GNAI2: variants seen among roughly 807,000 people sequenced by gnomAD.
The protein encoded by GNAI2 is G protein subunit alpha i2, also known as guanine nucleotide-binding protein G(i) subunit alpha-2.
GNAI2 carries 4 observed loss-of-function variants against 36.8 expected under a neutral mutation model. The ratio of observed to expected loss-of-function variants is 0.11; its 90% confidence interval spans 0.05 to 0.25. The LOEUF (loss-of-function observed/expected upper bound fraction) is 0.25, where lower values mean the gene tolerates loss of function less well. Ranked by LOEUF, GNAI2 falls within the 10% of genes least tolerant of loss-of-function variation. The pLI is 1.00. For synonymous variants in GNAI2, 194 were observed against 194.1 expected (o/e 1.00, Z 0.01); for missense variants, 230 against 481.3 (o/e 0.48, Z 4.89).
upstream of GNAI2, among the ~76,000 whole-genome samples, chr3:50,228,550 CAAAAAAAAAAA>C (rs587623155): frequency 1.1e-5 from 1 of 94,810 alleles, no homozygotes; most frequent in African/African-American, 3.4e-5. Context: ...ACTCCGTCTC[CAAAAAAAAAAA>C]AAAAAAAAAT....
intron 1 of GNAI2, among the ~76,000 whole-genome samples, chr3:50,243,926 G>A (rs1700355422): frequency 6.6e-6 from 1 of 152,066 alleles, no homozygotes; most frequent in Non-Finnish European, 1.5e-5. Context: ...TCTTCTTTTA[G>A]GAGGCGGAAA....
intron 8 of GNAI2, 178 bp downstream of exon 8, chr3:50,257,892 G>A (rs1553703539): frequency 9.4e-6 from 5 of 529,396 alleles, no homozygotes; most frequent in East Asian, 3.0e-5. Flanking sequence ...TGAGTGAGGT[G>A]CAGGGCATGG....
chr3:50,251,615 C>T, intron 1 of GNAI2: 1 of 1,281,062 alleles, frequency 7.8e-7, no homozygotes, highest in Non-Finnish European at 1.0e-6. Flanking sequence ...TGTGCTCCTG[C>T]TTAGGCCCCT....
At chr3:50,236,024 C>A (rs1050373444), upstream of GNAI2, 6 of 244,368 alleles carry the variant, frequency 2.5e-5, no homozygotes, top group African/African-American at 6.9e-5. The surrounding 1 kb of genome is among the most constrained non-coding windows in gnomAD (Gnocchi z 4.0). Flanking sequence ...AGCCCAGGCC[C>A]GAGCCTGGGC....
At chr3:50,228,415 G>A (rs747984276), upstream of GNAI2, among the ~76,000 whole-genome samples, 31 of 152,048 alleles carry the variant, frequency 2.0e-4, no homozygotes, top group Non-Finnish European at 3.7e-4. Flanking sequence ...TTAGCTGGGC[G>A]TGGGGGCGCG....
chr3:50,240,773 G>T (rs1009516824), intron 1 of GNAI2, among the ~76,000 whole-genome samples: 1 of 152,066 alleles, frequency 6.6e-6, no homozygotes, highest in Admixed American at 6.5e-5. Context: ...AAAAAAATTA[G>T]CCAGGTATGG....
In GNAI2 at chr3:50,244,025, C is replaced by CT. The variant is rs782681282; in HGVS notation, c.118+7593dup. On this transcript the variant is annotated intron_variant, in intron 1 of 8. Coordinates refer to ENST00000313601, the MANE Select transcript of GNAI2 (RefSeq NM_002070.4). ...TGGTCATGGGGGACCCCCTCCACTC[C>CT]TTTTTTTTTTTTTTTTTTTTTGAGA... Among the ~76,000 whole-genome samples, 766 of 120,368 alleles carry CT rather than the reference C, an allele frequency of 6.4e-3. 2 individuals are homozygous for CT. Among genetic ancestry groups the CT allele is most frequent in the Non-Finnish European group, 8.2e-3 (495 of 60,006 alleles). 79.0% of individuals were successfully genotyped at this position (120,368 alleles called of 152,430 possible).
intron 1 of GNAI2, chr3:50,251,518 C>G: frequency 8.9e-7 from 1 of 1,126,120 alleles, no homozygotes; most frequent in Non-Finnish European, 1.1e-6. Context: ...TTCTAGCCTT[C>G]TAGCCTCCAT....
rs1553703003 is a variant in GNAI2, at chr3:50,255,240, A to T, written c.465-952A>T. On this transcript the variant is annotated intron_variant, in intron 4 of 8. Coordinates refer to ENST00000313601, the MANE Select transcript of GNAI2 (RefSeq NM_002070.4). This position sits in a 1 kb window ranked among gnomAD's most constrained non-coding sequence, Gnocchi z 4.0. ...CTGGGCAGCAGCCTGGAGGCCTGGGACCAGCCTCCAGGGCATGGCAGGGAT... is the reference window on the plus strand; with the variant it reads ...CTGGGCAGCAGCCTGGAGGCCTGGGTCCAGCCTCCAGGGCATGGCAGGGAT... Among the ~76,000 whole-genome samples the T allele has an allele frequency of 6.6e-6, 1 of 152,138 alleles. No homozygotes were observed. The highest frequency in any genetic ancestry group is 1.5e-5 in the Non-Finnish European group (1 of 67,998).
Position 50,236,290 on chromosome 3 carries a change from T to TGTGG in GNAI2, c.-45_-44insTGGG. ...GGTCGGGCGGGGCCGAGCCGGGCCG[T>TGTGG]GGGCCGTGTGGGGGCCGGGCGGCGG... On this transcript the variant is annotated 5_prime_UTR_variant, in exon 1 of 9. Transcript: ENST00000313601. The surrounding 1 kb of genome is among the most constrained non-coding windows in gnomAD (Gnocchi z 4.0). The TGTGG allele has an allele frequency of 7.7e-7, 1 of 1,302,396 alleles. No individual in the cohort carries two copies. 80.7% of individuals were successfully genotyped at this position (1,302,396 alleles called of 1,614,324 possible).
In GNAI2 at chr3:50,253,244, G is replaced by T. The variant is rs1700609895; in HGVS notation, c.464+60G>T. 5.7e-6 allele frequency: 8 copies of T among 1,394,986 alleles called. No homozygotes were observed. Among genetic ancestry groups the T allele is most frequent in the South Asian group, 1.3e-5 (1 of 76,488 alleles). 86.4% of individuals were successfully genotyped at this position (1,394,986 alleles called of 1,614,324 possible). On this transcript the variant is annotated intron_variant, in intron 4 of 8. Coordinates refer to ENST00000313601, the MANE Select transcript of GNAI2 (RefSeq NM_002070.4). This position sits in a 1 kb window ranked among gnomAD's most constrained non-coding sequence, Gnocchi z 4.2. ...GGGGCTGGGGGAGGACTAAAGGCTG[G>T]ACCGGAGGGCCTGAGAACCCCCAGA...
At chr3:50,233,976 A>G (rs1480290427), upstream of GNAI2, among the ~76,000 whole-genome samples, 3 of 149,332 alleles carry the variant, frequency 2.0e-5, no homozygotes, top group South Asian at 2.1e-4. Flanking sequence ...GCTCACTGCA[A>G]TCTCCAGTTC....
In GNAI2 at chr3:50,252,969, T is replaced by TGGCAG; in HGVS notation, c.304-54_304-50dup. 6.8e-7 allele frequency: 1 copy of TGGCAG among 1,473,496 alleles called. No homozygotes were observed. The highest frequency in any genetic ancestry group is 9.3e-7 in the Non-Finnish European group (1 of 1,080,684). The allele number at this position is 1,473,496 out of a possible 1,614,324, so 91.3% of individuals were successfully genotyped here. Reference sequence around the variant, plus strand: ...CCCATTCCAGAGGTCTCCCTGCCTCTGGCAGAGTGGGGGTACATTCCTTCA... The same window carrying TGGCAG: ...CCCATTCCAGAGGTCTCCCTGCCTCTGGCAGGGCAGAGTGGGGGTACATTCCTTCA... On this transcript the variant is annotated intron_variant, in intron 3 of 8. Coordinates refer to ENST00000313601, the MANE Select transcript of GNAI2 (RefSeq NM_002070.4). This position sits in a 1 kb window ranked among gnomAD's most constrained non-coding sequence, Gnocchi z 4.1.
At chr3:50,236,199 C>T (rs1013726883), upstream of GNAI2, 19 of 1,179,274 alleles carry the variant, frequency 1.6e-5, no homozygotes, top group Admixed American at 4.6e-5. The surrounding 1 kb of genome is among the most constrained non-coding windows in gnomAD (Gnocchi z 4.0). Context: ...GAAGGCGCCT[C>T]CCGCAGTCGC....
At chr3:50,256,911 C>G (rs781925628) in intron 6 of GNAI2, 26 bp from the exon 7 acceptor site, 1 of 1,613,706 alleles carries the variant, frequency 6.2e-7, no homozygotes, top group South Asian at 1.1e-5. Context: ...TGGTGGCTAG[C>G]GTTGACCTTG....
chr3:50,244,673 AG>A (rs1372312814), intron 1 of GNAI2, among the ~76,000 whole-genome samples: 4 of 152,166 alleles, frequency 2.6e-5, no homozygotes, highest in Non-Finnish European at 5.9e-5. Flanking sequence ...ATAGTTGTTG[AG>A]GCTGGTTCCT....
chr3:50,252,379 C>G lies in GNAI2; in HGVS notation c.162-18C>G. ...CAGTGCCCAGGGGACACTAACCTTCCTGGTCCCTGGCTATCAGGATCATCC... is the reference window on the plus strand; with the variant it reads ...CAGTGCCCAGGGGACACTAACCTTCGTGGTCCCTGGCTATCAGGATCATCC... On this transcript the variant is annotated intron_variant, in intron 2 of 8. Transcript: ENST00000313601. This position sits in a 1 kb window ranked among gnomAD's most constrained non-coding sequence, Gnocchi z 4.1. 1 of 1,613,264 alleles carries G rather than the reference C, an allele frequency of 6.2e-7. No homozygotes were observed. Among genetic ancestry groups the G allele is most frequent in the Middle Eastern group, 1.7e-4 (1 of 6,060 alleles).
rs1386658552 is a variant in GNAI2 at position 50,242,178 on chromosome 3, C to T, written c.118+5725C>T. ...CTTTGTCCACCCAAGCTCTTAGCCA[C>T]TGAGGAACCAGGGACTCCCCCCACC... is the stretch of plus-strand genomic sequence containing the variant. On this transcript the variant is annotated intron_variant, in intron 1 of 8. Coordinates refer to ENST00000313601, the MANE Select transcript of GNAI2 (RefSeq NM_002070.4). This position sits in a 1 kb window ranked among gnomAD's most constrained non-coding sequence, Gnocchi z 4.8. 6.6e-6 allele frequency among the ~76,000 whole-genome samples: 1 copy of T among 152,150 alleles called. No individual in the cohort carries two copies. The highest frequency in any genetic ancestry group is 6.5e-5 in the Admixed American group (1 of 15,280).
At chr3:50,227,471 C>G (rs1175070795), upstream of GNAI2, 2 of 281,672 alleles carry the variant, frequency 7.1e-6, no homozygotes, top group Non-Finnish European at 1.3e-5. The surrounding 1 kb of genome is among the most constrained non-coding windows in gnomAD (Gnocchi z 5.9). Context: ...AGGTCGGCCT[C>G]GGCTCCCGCG....
Sources: gnomAD v4.1 joint callset for allele counts (sites outside exome capture counted in the v4.1 genomes callset) on GRCh38, gnomAD v4.1.1 for gene constraint, Gnocchi (gnomAD v3.1) non-coding constraint, MANE v1.5 for transcripts, NCBI Gene and HGNC (gene_info 2026-07-23, HGNC 2026-07-21) for gene names.